SCML4: variants seen among roughly 807,000 people sequenced by gnomAD.
The protein encoded by SCML4 is sex comb on midleg-like protein 4.
A neutral mutation model predicts 41.1 loss-of-function variants in SCML4; 34 were observed. The observed-to-expected ratio is 0.83, with a 90% CI of 0.63 to 1.10. The LOEUF (loss-of-function observed/expected upper bound fraction) is 1.10, where lower values mean the gene tolerates loss of function less well. Ranked by LOEUF, SCML4 falls within the 50% of genes least tolerant of loss-of-function variation. SCML4 has a pLI of 0.00. For synonymous variants in SCML4, 214 were observed against 220.9 expected (o/e 0.97, Z 0.28); for missense variants, 522 against 534.1 (o/e 0.98, Z 0.22).
intron 2 of SCML4, among the ~76,000 whole-genome samples, chr6:107,764,007 C>G (rs1014526285): frequency 1.3e-5 from 2 of 152,360 alleles, no homozygotes; most frequent in African/African-American, 4.8e-5. Context: ...AATTCACATT[C>G]TTTCTTCATA....
At chr6:107,822,589 G>A (rs369389494) in intron 1 of SCML4, among the ~76,000 whole-genome samples, 2 of 147,942 alleles carry the variant, frequency 1.4e-5, no homozygotes, top group Non-Finnish European at 3.0e-5. Context: ...TGAAAGAACT[G>A]GATTTTTGTG....
At chr6:107,717,218 G>A (rs537220308) in intron 6 of SCML4, among the ~76,000 whole-genome samples, 3 of 147,714 alleles carry the variant, frequency 2.0e-5, no homozygotes, top group Admixed American at 1.3e-4. Context: ...TACTCAGGAG[G>A]CTGAGGCAGG....
At chr6:107,805,401 T>C (rs1391050040) in intron 1 of SCML4, among the ~76,000 whole-genome samples, 1 of 152,234 alleles carries the variant, frequency 6.6e-6, no homozygotes, top group Non-Finnish European at 1.5e-5. Flanking sequence ...AGATATCATC[T>C]TTTTTAGTGG....
At chr6:107,751,767 C>G (rs1173168626) in intron 2 of SCML4, among the ~76,000 whole-genome samples, 2 of 151,992 alleles carry the variant, frequency 1.3e-5, no homozygotes, top group Admixed American at 1.3e-4. Context: ...TCCCGAGTAG[C>G]TGGGATTACA....
In SCML4 at chr6:107,762,042, T is replaced by A. The variant is rs75973380; in HGVS notation, c.156+10130A>T. On this transcript the variant is annotated intron_variant, in intron 2 of 7. Transcript: ENST00000369020. ...TGTATCAAACAATAATAATGATGAC[T>A]GGAGGGGCTAAAAAAGAAAAAATTA... Among the ~76,000 whole-genome samples the A allele has an allele frequency of 5.7e-3, 869 of 152,158 alleles. 5 individuals are homozygous for A. The highest frequency in any genetic ancestry group is 0.02 in the African/African-American group (843 of 41,534).
chr6:107,763,747 T>C (rs1014184567), intron 2 of SCML4, among the ~76,000 whole-genome samples: 8 of 152,208 alleles, frequency 5.3e-5, no homozygotes, highest in Admixed American at 2.6e-4. Flanking sequence ...GTCTCCACCA[T>C]GTGAGGACAC....
chr6:107,842,177 T>A, the SCML4 span, among the ~76,000 whole-genome samples: 1 of 152,228 alleles, frequency 6.6e-6, no homozygotes, highest in Non-Finnish European at 1.5e-5. Flanking sequence ...TTTTGGCCCA[T>A]GGATTATATG....
At chr6:107,733,167 T>C (rs1321038855) in intron 5 of SCML4, among the ~76,000 whole-genome samples, 1 of 152,240 alleles carries the variant, frequency 6.6e-6, no homozygotes, top group Non-Finnish European at 1.5e-5. Flanking sequence ...CCTGGTCCCC[T>C]GACCCACAGA....
intron 1 of SCML4, among the ~76,000 whole-genome samples, chr6:107,774,143 TAGAC>T (rs1360449204): frequency 1.3e-5 from 2 of 152,238 alleles, no homozygotes; most frequent in African/African-American, 2.4e-5. Flanking sequence ...AATGCATTGT[TAGAC>T]AGACAAGGTG....
chr6:107,746,930 G>C, intron 3 of SCML4, 41 bp from the exon 4 acceptor site: 1 of 1,542,052 alleles, frequency 6.5e-7, no homozygotes. Flanking sequence ...CATCAGGCGC[G>C]CATCAGGCCA....
rs190177845 is a variant in SCML4, at chr6:107,749,466, G to A, written c.286+218C>T. Among the ~76,000 whole-genome samples the A allele has an allele frequency of 4.6e-5, 7 of 152,230 alleles. No individual in the cohort carries two copies. The East Asian group carries it at 1.4e-3, about 29-fold the overall frequency. ...CAAAGCAACCACCTAAACCCAAGCTGCACTGAAAACCAAGTTTTAAATAAT... is the reference window on the plus strand; with the variant it reads ...CAAAGCAACCACCTAAACCCAAGCTACACTGAAAACCAAGTTTTAAATAAT... On this transcript the variant is annotated intron_variant, in intron 3 of 7. Transcript: ENST00000369020.
chr6:107,720,682 C>G (rs768742691), intron 6 of SCML4, 21 bp downstream of exon 6: 42 of 1,515,804 alleles, frequency 2.8e-5, no homozygotes, highest in Non-Finnish European at 3.6e-5. Context: ...CAGTGGGAAG[C>G]TGATGCATGC....
chr6:107,746,979 T>G, intron 3 of SCML4, 90 bp from the exon 4 acceptor site: 1 of 1,109,758 alleles, frequency 9.0e-7, no homozygotes, highest in Non-Finnish European at 1.3e-6. Context: ...GCCTCAGCCA[T>G]GCCCCTTTGG....
chr6:107,778,225 ATAT>A (rs1781181370), intron 1 of SCML4, among the ~76,000 whole-genome samples: 2 of 6,330 alleles, frequency 3.2e-4, no homozygotes, highest in Admixed American at 2.4e-3. Context: ...AAAAAAAAAT[ATAT>A]ATATATATAT....
At chr6:107,768,309 G>A (rs533240888) in intron 2 of SCML4, among the ~76,000 whole-genome samples, 1 of 152,110 alleles carries the variant, frequency 6.6e-6, no homozygotes, top group Non-Finnish European at 1.5e-5. Flanking sequence ...ACTTTAACAT[G>A]AGAAAGAAAT....
At chr6:107,840,139 G>T in the SCML4 span, among the ~76,000 whole-genome samples, 1 of 152,110 alleles carries the variant, frequency 6.6e-6, no homozygotes, top group Non-Finnish European at 1.5e-5. Context: ...GAAAAGTACG[G>T]TGCCTAAAAC....
intron 5 of SCML4, among the ~76,000 whole-genome samples, chr6:107,721,422 G>A (rs184022725): frequency 2.5e-4 from 38 of 152,092 alleles, no homozygotes; most frequent in African/African-American, 6.5e-4. Flanking sequence ...AAAATTAGCC[G>A]GATGTGGTGG....
chr6:107,770,957 G>A (rs1360939673), intron 2 of SCML4, among the ~76,000 whole-genome samples: 2 of 152,188 alleles, frequency 1.3e-5, no homozygotes, highest in Non-Finnish European at 2.9e-5. Context: ...AGTAGTGAGT[G>A]GGTAAGACTG....
At chr6:107,846,012 C>T in the SCML4 span, among the ~76,000 whole-genome samples, 1 of 152,200 alleles carries the variant, frequency 6.6e-6, no homozygotes, top group East Asian at 1.9e-4. Context: ...CTGAGTGAGC[C>T]TCCTGCCAGC....
Sources: gnomAD v4.1 joint callset for allele counts (sites outside exome capture counted in the v4.1 genomes callset) on GRCh38, gnomAD v4.1.1 for gene constraint, MANE v1.5 for transcripts, NCBI Gene and HGNC (gene_info 2026-07-23, HGNC 2026-07-21) for gene names.